FOXP1: variants seen among roughly 807,000 people sequenced by gnomAD.
FOXP1 encodes forkhead box P1.
Under a neutral mutation model 98.2 loss-of-function variants are expected in FOXP1, and 15 were observed. The observed-to-expected ratio is 0.15, with a 90% CI of 0.10 to 0.24. The LOEUF is 0.24. Among genes scored for constraint, FOXP1 ranks in the 10% least tolerant of loss-of-function variants. The pLI, the probability that FOXP1 is intolerant of heterozygous loss-of-function variation, is 1.00. For missense variants in FOXP1, 633 were observed against 848.5 expected, an observed-to-expected ratio of 0.75 and a Z score of 3.15; for synonymous variants, 371 against 314.5, an observed-to-expected ratio of 1.18 and a Z score of -1.90.
intron 4 of FOXP1, among the ~76,000 whole-genome samples, chr3:71,357,951 G>A (rs1479315491): frequency 2.6e-5 from 4 of 151,512 alleles, no homozygotes; most frequent in African/African-American, 9.7e-5. Flanking sequence ...TTTTCTCTGA[G>A]GGAAAAAAAA....
At chr3:71,266,130 A>C (rs2069631110) in intron 5 of FOXP1, among the ~76,000 whole-genome samples, 1 of 152,202 alleles carries the variant, frequency 6.6e-6, no homozygotes, top group Non-Finnish European at 1.5e-5. Flanking sequence ...GAAGAGAGAA[A>C]GAGAGTACAT....
At chr3:71,183,440 A>C (rs910336421) in intron 6 of FOXP1, among the ~76,000 whole-genome samples, 1 of 152,052 alleles carries the variant, frequency 6.6e-6, no homozygotes, top group Non-Finnish European at 1.5e-5. Flanking sequence ...CGGAGGTTGC[A>C]GTGAGCCGAG....
chr3:71,397,378 G>A (rs903289180), intron 3 of FOXP1, among the ~76,000 whole-genome samples: 2 of 152,014 alleles, frequency 1.3e-5, no homozygotes, highest in East Asian at 1.9e-4. Flanking sequence ...ATCTGGGAAC[G>A]TTTTATCTGG....
chr3:71,329,259 T>A (rs776584398), intron 4 of FOXP1, among the ~76,000 whole-genome samples: 1 of 151,760 alleles, frequency 6.6e-6, no homozygotes, highest in Non-Finnish European at 1.5e-5. Flanking sequence ...TCTCCCTCTG[T>A]CGCACAGGCT....
At chr3:71,182,994 TA>T (rs1372438582) in intron 6 of FOXP1, among the ~76,000 whole-genome samples, 6 of 152,270 alleles carry the variant, frequency 3.9e-5, no homozygotes, top group Non-Finnish European at 5.9e-5. Context: ...AATGGGTATA[TA>T]ATTAATATTA....
intron 4 of FOXP1, among the ~76,000 whole-genome samples, chr3:71,340,789 T>A (rs1021344225): frequency 3.3e-5 from 5 of 152,194 alleles, no homozygotes; most frequent in African/African-American, 1.2e-4. Flanking sequence ...TGTGTAAATA[T>A]GGCCTAAATG....
rs563909081 is a variant in FOXP1 at position 71,017,585 on chromosome 3, C to A, written c.870-1932G>T. ...ATTTATATCATTCTTTTATATTTAACATAATTTTGTAAATACTTTCTCATG... is the reference window on the plus strand; with the variant it reads ...ATTTATATCATTCTTTTATATTTAAAATAATTTTGTAAATACTTTCTCATG... On this transcript the variant is annotated intron_variant, in intron 11 of 20. Transcript: ENST00000649528. Among the ~76,000 whole-genome samples the A allele has an allele frequency of 1.1e-4, 16 of 151,664 alleles. No individual in the cohort carries two copies. In the East Asian group the frequency reaches 2.9e-3, roughly 28 times the overall value.
intron 3 of FOXP1, among the ~76,000 whole-genome samples, chr3:71,368,877 T>C (rs1246286805): frequency 6.6e-6 from 1 of 152,150 alleles, no homozygotes; most frequent in Admixed American, 6.5e-5. Context: ...TCAACAGACA[T>C]GAAGGGAAGA....
At position 71,053,749 on chromosome 3, in the gene FOXP1, T is replaced by C; in HGVS notation, c.307A>G (p.Thr103Ala). The change falls in exon 8 of 21, where the codon ACA (threonine) becomes GCA (alanine). Residue 103 changes from threonine (T) to alanine (A), a missense_variant. Around this residue, in one of 6 missense-constraint regions of FOXP1, gnomAD observed 210 missense variants for 270.6 expected, o/e 0.78. Transcript: ENST00000649528. ...LQVPVSVAMM[T>A]PQVITPQQMQ... is the part of the protein sequence containing the mutation. ...TGCTGGGGAGTGATAACTTGAGGTG[T>C]CATCATAGCCACTGACACGGGAACC... is the stretch of plus-strand genomic sequence containing the variant. 1 of 1,613,922 alleles carries C rather than the reference T, an allele frequency of 6.2e-7. No individual in the cohort carries two copies. Among genetic ancestry groups the C allele is most frequent in the Non-Finnish European group, 8.5e-7 (1 of 1,179,926 alleles).
intron 19 of FOXP1, 148 bp from the exon 20 acceptor site, chr3:70,966,204 T>G: frequency 1.2e-6 from 1 of 821,936 alleles, no homozygotes; most frequent in Non-Finnish European, 2.0e-6. Flanking sequence ...TGAAAGATTT[T>G]GCTTTAAAAA....
chr3:71,342,066 C>G (rs151028042), intron 4 of FOXP1, among the ~76,000 whole-genome samples: 23 of 152,216 alleles, frequency 1.5e-4, no homozygotes, highest in Admixed American at 1.0e-3. Flanking sequence ...ATGAATTTAA[C>G]TTTTTTGCCG....
intron 11 of FOXP1, among the ~76,000 whole-genome samples, chr3:71,023,830 T>G (rs138708363): frequency 1.2e-3 from 186 of 152,330 alleles, no homozygotes; most frequent in South Asian, 2.9e-3. Flanking sequence ...TTGTGAAATA[T>G]TTGATCATTA....
At chr3:71,135,898 T>C (rs1312004689) in intron 6 of FOXP1, among the ~76,000 whole-genome samples, 1 of 152,204 alleles carries the variant, frequency 6.6e-6, no homozygotes, top group Non-Finnish European at 1.5e-5. Flanking sequence ...CGACTATGCC[T>C]TCTTTACTTT....
chr3:71,294,441 C>T (rs17717214), intron 5 of FOXP1, among the ~76,000 whole-genome samples: 11,525 of 152,196 alleles, frequency 0.076, 473 homozygotes, highest in Non-Finnish European at 0.1. Context: ...AACAATTGCC[C>T]TTCCTAACAC....
chr3:71,268,165 A>G (rs1287217439), intron 5 of FOXP1, among the ~76,000 whole-genome samples: 2 of 130,006 alleles, frequency 1.5e-5, no homozygotes, highest in Admixed American at 9.4e-5. Flanking sequence ...ATCTCGGCTC[A>G]CTGCAAACTC....
chr3:71,011,253 T>A (rs967780039), intron 12 of FOXP1, among the ~76,000 whole-genome samples: 2 of 152,138 alleles, frequency 1.3e-5, no homozygotes, highest in Admixed American at 6.6e-5. Context: ...CCAGCCCCCA[T>A]GTGGTTCACG....
intron 5 of FOXP1, among the ~76,000 whole-genome samples, chr3:71,242,325 G>A (rs771718854): frequency 2.0e-5 from 3 of 152,110 alleles, no homozygotes; most frequent in Admixed American, 6.5e-5. Context: ...AGACCAGAAC[G>A]CTCCTAAGCT....
chr3:71,215,260 C>T (rs1484829041), intron 5 of FOXP1, among the ~76,000 whole-genome samples: 1 of 152,182 alleles, frequency 6.6e-6, no homozygotes. Context: ...TGATTTCACT[C>T]GTCCTTCTAA....
chr3:71,263,743 CTTT>C (rs36126610), intron 5 of FOXP1, among the ~76,000 whole-genome samples: 1 of 148,092 alleles, frequency 6.8e-6, no homozygotes, highest in African/African-American at 2.5e-5. Context: ...ATCCATATTC[CTTT>C]TTTTTTTTCT....
Sources: gnomAD v4.1 joint callset for allele counts (sites outside exome capture counted in the v4.1 genomes callset) on GRCh38, gnomAD v4.1.1 for gene constraint, gnomAD v4.1.1 regional missense constraint, MANE v1.5 for transcripts, NCBI Gene and HGNC (gene_info 2026-07-23, HGNC 2026-07-21) for gene names.